Variants in WDR59 observed in about 807,000 individuals in gnomAD.
WDR59 encodes the protein GATOR2 complex protein WDR59.
Under a neutral mutation model 131.2 loss-of-function variants are expected in WDR59, and 100 were observed. The observed-to-expected ratio is 0.76, with a 90% CI of 0.65 to 0.90. WDR59 has a LOEUF of 0.90. Ranked by LOEUF, WDR59 falls within the 40% of genes least tolerant of loss-of-function variation. The pLI, the probability that WDR59 is intolerant of heterozygous loss-of-function variation, is 0.00. For synonymous variants in WDR59, 601 were observed against 466.2 expected, an observed-to-expected ratio of 1.29 and a Z score of -3.72; for missense variants, 1,203 against 1,262.2, an observed-to-expected ratio of 0.95 and a Z score of 0.71.
At chr16:74,978,583 A>G (rs1212324057) in intron 1 of WDR59, among the ~76,000 whole-genome samples, 8 of 152,196 alleles carry the variant, frequency 5.3e-5, no homozygotes, top group African/African-American at 1.9e-4. Context: ...TAGAAATCCC[A>G]TCAGCAGCTG....
chr16:74,984,954 TCTAG>T lies in WDR59; in HGVS notation c.54+6_54+9del, dbSNP rs1469475074. The T allele has an allele frequency of 1.6e-5, 25 of 1,603,514 alleles. No homozygotes were observed. The highest frequency in any genetic ancestry group is 2.0e-5 in the Non-Finnish European group (23 of 1,175,382). ...CATGCCCAGAGGGCTCCACTCGGCC[TCTAG>T]CTCACCTGGGAGTCACGGAACTCTA... On this transcript the variant is annotated splice_donor_region_variant and intron_variant, in intron 1 of 25. Transcript: ENST00000262144.
In WDR59 at chr16:74,912,365, G is replaced by A; in HGVS notation, c.1225-3C>T. 6.2e-7 allele frequency: 1 copy of A among 1,610,312 alleles called. No homozygotes were observed. The highest frequency in any genetic ancestry group is 1.3e-5 in the African/African-American group (1 of 74,968). On this transcript the variant is annotated splice_polypyrimidine_tract_variant and splice_region_variant and intron_variant, in intron 13 of 25. Coordinates refer to ENST00000262144, the MANE Select transcript of WDR59 (RefSeq NM_030581.4). ...CAGCTCCTGTCTGCCGCATCCATCT[G>A]CAAGAGACAAATCCACAATTGCTGT...
At chr16:74,902,775 T>C (rs757255135) in intron 18 of WDR59, among the ~76,000 whole-genome samples, 2 of 152,068 alleles carry the variant, frequency 1.3e-5, no homozygotes, top group Non-Finnish European at 2.9e-5. Flanking sequence ...CCTGCAAACA[T>C]GTGGGAAAAA....
intron 1 of WDR59, among the ~76,000 whole-genome samples, chr16:74,969,763 T>C (rs1181714433): frequency 6.6e-6 from 1 of 151,964 alleles, no homozygotes; most frequent in Non-Finnish European, 1.5e-5. Context: ...TTTCACCATG[T>C]TTCCCAGGCT....
chr16:74,978,180 AGGCGT>A, intron 1 of WDR59, among the ~76,000 whole-genome samples: 1 of 152,216 alleles, frequency 6.6e-6, no homozygotes, highest in East Asian at 1.9e-4. Flanking sequence ...ATGGTTAGCC[AGGCGT>A]GGTGATGGGC....
chr16:74,917,171 T>C (rs1966430545), intron 11 of WDR59, among the ~76,000 whole-genome samples: 1 of 152,206 alleles, frequency 6.6e-6, no homozygotes, highest in South Asian at 2.1e-4. Flanking sequence ...AAGCAGCTCA[T>C]GCCAGGTACT....
chr16:74,977,226 C>T (rs1038092101), intron 1 of WDR59, among the ~76,000 whole-genome samples: 1 of 150,378 alleles, frequency 6.6e-6, no homozygotes, highest in African/African-American at 2.5e-5. Context: ...ACAGTAACAG[C>T]GAGATCGCAT....
At chr16:74,951,676 T>C (rs1422868593) in intron 3 of WDR59, 133 bp from the exon 4 acceptor site, 2 of 739,564 alleles carry the variant, frequency 2.7e-6, no homozygotes, top group African/African-American at 1.7e-5. Flanking sequence ...AACTTTTCTT[T>C]AAAAAGCCAT....
intron 2 of WDR59, among the ~76,000 whole-genome samples, chr16:74,964,987 A>G (rs1280942120): frequency 1.3e-5 from 2 of 151,842 alleles, no homozygotes; most frequent in Non-Finnish European, 2.9e-5. Flanking sequence ...TCACTTGAAC[A>G]CAGGAGGCAG....
chr16:74,909,767 G>C (rs950373727), intron 15 of WDR59, 55 bp downstream of exon 15: 1 of 1,585,296 alleles, frequency 6.3e-7, no homozygotes, highest in Non-Finnish European at 8.6e-7. Context: ...TAGGGAGAAA[G>C]AAATGAAACA....
At chr16:74,948,388 ACGG>A in intron 6 of WDR59, 128 bp downstream of exon 6, 1 of 874,488 alleles carries the variant, frequency 1.1e-6, no homozygotes, top group Non-Finnish European at 1.9e-6. Context: ...CCACTCAGCC[ACGG>A]CGCAGCCCAG....
intron 1 of WDR59, among the ~76,000 whole-genome samples, chr16:74,974,437 G>A (rs1037763638): frequency 2.0e-5 from 3 of 152,058 alleles, no homozygotes; most frequent in African/African-American, 4.8e-5. Flanking sequence ...CGACCACTAC[G>A]CTAGGTGTTC....
chr16:74,945,730 G>A (rs1382338453), intron 6 of WDR59, among the ~76,000 whole-genome samples: 8 of 151,902 alleles, frequency 5.3e-5, no homozygotes, highest in Non-Finnish European at 1.0e-4. Flanking sequence ...CTTATCCGCG[G>A]GTCCACCTTC....
intron 18 of WDR59, among the ~76,000 whole-genome samples, chr16:74,903,491 T>TAA (rs11402420): frequency 4.6e-4 from 69 of 148,410 alleles, no homozygotes; most frequent in South Asian, 1.1e-3. Flanking sequence ...AGACTTAGTA[T>TAA]AAAAAAAAAA....
At chr16:74,930,779 G>C (rs2031302081) in intron 8 of WDR59, 1 of 150,374 alleles carries the variant, frequency 6.7e-6, no homozygotes, top group Non-Finnish European at 1.5e-5. Context: ...TGTTATCCCA[G>C]CTACTAGGGC....
intron 13 of WDR59, among the ~76,000 whole-genome samples, chr16:74,914,792 C>T (rs1204555367): frequency 1.3e-5 from 2 of 152,074 alleles, no homozygotes; most frequent in African/African-American, 4.8e-5. Context: ...CGGGGTTTTA[C>T]CATGTTGGCC....
intron 7 of WDR59, among the ~76,000 whole-genome samples, chr16:74,941,455 A>G (rs1217130691): frequency 6.6e-6 from 1 of 152,076 alleles, no homozygotes; most frequent in East Asian, 1.9e-4. Flanking sequence ...GCACTTTGGG[A>G]GGCCGAGGTG....
intron 1 of WDR59, 29 bp downstream of exon 1, chr16:74,984,935 C>T (rs1256451088): frequency 6.3e-7 from 1 of 1,599,840 alleles, no homozygotes; most frequent in South Asian, 1.1e-5. Context: ...GACGCATGCC[C>T]AGAGGGCTCC....
chr16:74,939,050 G>A (rs911536362), intron 7 of WDR59, among the ~76,000 whole-genome samples: 3 of 152,022 alleles, frequency 2.0e-5, no homozygotes, highest in Admixed American at 6.5e-5. Flanking sequence ...TAAACAGGCC[G>A]GGCACGGTGG....
Sources: allele counts gnomAD v4.1 joint callset (sites outside exome capture counted in the v4.1 genomes callset), GRCh38; gene constraint gnomAD v4.1.1; transcripts MANE v1.5; gene names NCBI Gene and HGNC (gene_info 2026-07-23, HGNC 2026-07-21).